The following ANO3 variants were observed in gnomAD, a reference collection of about 807,000 sequenced individuals.
ANO3 encodes anoctamin 3.
In ANO3, 99 loss-of-function variants were observed where a neutral mutation model predicts 144.8. The ratio of observed to expected loss-of-function variants is 0.68; its 90% confidence interval spans 0.58 to 0.81. The LOEUF (loss-of-function observed/expected upper bound fraction) is 0.81, where lower values mean the gene tolerates loss of function less well. Ranked by LOEUF, ANO3 falls within the 30% of genes least tolerant of loss-of-function variation. ANO3 has a pLI of 0.00. For synonymous variants in ANO3, 414 were observed against 392.6 expected (o/e 1.05, Z -0.64); for missense variants, 905 against 1,202.2 (o/e 0.75, Z 3.66).
intron 14 of ANO3, among the ~76,000 whole-genome samples, chr11:26,596,982 T>TC (rs1851649301): frequency 6.6e-6 from 1 of 152,182 alleles, no homozygotes; most frequent in African/African-American, 2.4e-5. Context: ...GAAAGCTTTT[T>TC]CCCAGGAAAC....
At chr11:26,651,126 A>C (rs955124028) in intron 24 of ANO3, among the ~76,000 whole-genome samples, 1 of 152,210 alleles carries the variant, frequency 6.6e-6, no homozygotes, top group Non-Finnish European at 1.5e-5. Context: ...ATAGTAAAAA[A>C]TATGTCAATA....
At chr11:26,427,190 C>T in intron 1 of ANO3, 1 of 203,228 alleles carries the variant, frequency 4.9e-6, no homozygotes, top group Non-Finnish European at 1.1e-5. Context: ...TTGCTGCAAG[C>T]AGTCCTGCAC....
chr11:26,631,777 A>G (rs1852788123), intron 18 of ANO3, among the ~76,000 whole-genome samples: 1 of 152,228 alleles, frequency 6.6e-6, no homozygotes, highest in Non-Finnish European at 1.5e-5. Flanking sequence ...CTAACATGTC[A>G]GTATAATAAT....
Position 26,469,814 on chromosome 11 carries a change from G to A in ANO3, c.432+6666G>A, listed in dbSNP as rs993446215. ...TATTATAATGTAATTTATAATGTAA[G>A]AATGAAATAAATTGAAAAGCAATGT... On this transcript the variant is annotated intron_variant, in intron 4 of 26. Transcript: ENST00000256737. Among the ~76,000 whole-genome samples, 28 of 151,954 alleles carry A rather than the reference G, an allele frequency of 1.8e-4. No individual in the cohort carries two copies. In the South Asian group the frequency reaches 3.5e-3, roughly 19 times the overall value.
At chr11:26,487,814 TG>T (rs1264731141) in intron 4 of ANO3, among the ~76,000 whole-genome samples, 1 of 152,134 alleles carries the variant, frequency 6.6e-6, no homozygotes, top group African/African-American at 2.4e-5. Flanking sequence ...GGGTATCTGG[TG>T]GAAGAAACGG....
At chr11:26,261,987 T>C (rs549134242) in intron 1 of ANO3, among the ~76,000 whole-genome samples, 1 of 152,300 alleles carries the variant, frequency 6.6e-6, no homozygotes, top group South Asian at 2.1e-4. Flanking sequence ...CTGTGTAACT[T>C]TAAGTAAAAT....
chr11:26,553,224 G>GT lies in ANO3; in HGVS notation c.1290-20dup, dbSNP rs367822925. ...ACAGTTTCATGCTATGTTTTGTTTT[G>GT]TTTTTGTTTTTGTTTTTTCTCAAGC... is the stretch of plus-strand genomic sequence containing the variant. On this transcript the variant is annotated intron_variant, in intron 12 of 26. Coordinates refer to ENST00000256737, the MANE Select transcript of ANO3 (RefSeq NM_031418.4). 1,799 of 1,173,888 alleles carry GT rather than the reference G, an allele frequency of 1.5e-3. 33 individuals are homozygous for GT. In the African/African-American group the frequency reaches 0.027, roughly 18 times the overall value. The allele number at this position is 1,173,888 out of a possible 1,614,324, so 72.7% of individuals were successfully genotyped here.
chr11:26,330,079 T>G (rs565299360), upstream of ANO3, among the ~76,000 whole-genome samples: 67 of 152,078 alleles, frequency 4.4e-4, no homozygotes, highest in African/African-American at 1.5e-3. Flanking sequence ...TAAAAGGGGG[T>G]TTTAAACATT....
At chr11:26,407,454 A>G (rs1857319091) in intron 1 of ANO3, among the ~76,000 whole-genome samples, 1 of 151,818 alleles carries the variant, frequency 6.6e-6, no homozygotes, top group African/African-American at 2.4e-5. Flanking sequence ...GTATTAAATG[A>G]ATATTTTCAA....
At chr11:26,336,338 A>T (rs1304671748) in intron 1 of ANO3, among the ~76,000 whole-genome samples, 5 of 152,226 alleles carry the variant, frequency 3.3e-5, no homozygotes, top group African/African-American at 1.2e-4. Flanking sequence ...CTTTGGCTTA[A>T]TGGGATCAGC....
chr11:26,386,487 C>G (rs1157416749), intron 1 of ANO3, among the ~76,000 whole-genome samples: 1 of 152,194 alleles, frequency 6.6e-6, no homozygotes, highest in South Asian at 2.1e-4. Context: ...AGTCAATTAC[C>G]AAATGAAAAG....
intron 1 of ANO3, among the ~76,000 whole-genome samples, chr11:26,360,851 G>A (rs763361022): frequency 6.6e-6 from 1 of 152,152 alleles, no homozygotes; most frequent in Non-Finnish European, 1.5e-5. Flanking sequence ...CATTTTAGTG[G>A]AGTTTGGAGG....
chr11:26,265,932 T>C (rs1163417510), intron 1 of ANO3, among the ~76,000 whole-genome samples: 1 of 152,208 alleles, frequency 6.6e-6, no homozygotes, highest in African/African-American at 2.4e-5. Context: ...AGCCTTTAAT[T>C]CCAACTTAGT....
intron 1 of ANO3, among the ~76,000 whole-genome samples, chr11:26,205,727 T>C (rs1158645616): frequency 6.6e-6 from 1 of 152,160 alleles, no homozygotes; most frequent in African/African-American, 2.4e-5. Flanking sequence ...CGGTATACTG[T>C]ATAGTCATAT....
At chr11:26,623,463 A>T (rs547836366) in intron 17 of ANO3, among the ~76,000 whole-genome samples, 3 of 152,326 alleles carry the variant, frequency 2.0e-5, no homozygotes, top group African/African-American at 7.2e-5. Context: ...ATTTACTTGG[A>T]ATATTGTGAA....
At chr11:26,295,270 T>A (rs1854060075) in intron 1 of ANO3, among the ~76,000 whole-genome samples, 1 of 152,032 alleles carries the variant, frequency 6.6e-6, no homozygotes, top group Non-Finnish European at 1.5e-5. Context: ...ATAAGGTCTT[T>A]GTTTTCCCTT....
intron 12 of ANO3, among the ~76,000 whole-genome samples, chr11:26,551,801 T>C (rs921671836): frequency 7.2e-5 from 11 of 151,988 alleles, no homozygotes; most frequent in African/African-American, 4.8e-5. Context: ...TAATCTTCTC[T>C]TTCTTTTTGG....
intron 4 of ANO3, among the ~76,000 whole-genome samples, chr11:26,500,375 C>T (rs1375067869): frequency 3.9e-5 from 6 of 151,924 alleles, no homozygotes; most frequent in Non-Finnish European, 7.4e-5. Context: ...TAAGAAATTG[C>T]CAAACTGTTT....
intron 1 of ANO3, among the ~76,000 whole-genome samples, chr11:26,387,599 A>G (rs1050422681): frequency 6.6e-6 from 1 of 152,042 alleles, no homozygotes; most frequent in South Asian, 2.1e-4. Flanking sequence ...TAGTTGCTCT[A>G]TGTCCTGTAT....
Sources: gnomAD v4.1 joint callset for allele counts (sites outside exome capture counted in the v4.1 genomes callset) on GRCh38, gnomAD v4.1.1 for gene constraint, MANE v1.5 for transcripts, NCBI Gene and HGNC (gene_info 2026-07-23, HGNC 2026-07-21) for gene names.